Variants in SULT1A1 observed in about 807,000 individuals in gnomAD.
SULT1A1 encodes the protein sulfotransferase 1A1.
A neutral mutation model predicts 36.8 loss-of-function variants in SULT1A1; 35 were observed. That is an observed-to-expected ratio of 0.95 (90% CI 0.73 to 1.26). SULT1A1 has a LOEUF of 1.26. SULT1A1 is among the 50% of genes most tolerant of loss of function. SULT1A1 has a pLI of 0.00. For missense variants in SULT1A1, 309 were observed against 383.0 expected, an observed-to-expected ratio of 0.81 and a Z score of 1.61; for synonymous variants, 119 against 146.0, an observed-to-expected ratio of 0.82 and a Z score of 1.33.
chr16:28,622,429 G>A (rs1007043616), intron 1 of SULT1A1, among the ~76,000 whole-genome samples: 2 of 152,048 alleles, frequency 1.3e-5, no homozygotes, highest in African/African-American at 4.8e-5. Flanking sequence ...ATTTTCTAAG[G>A]AGAGGGTTCC....
At chr16:28,616,740 T>C (rs1043592521) in intron 2 of SULT1A1, among the ~76,000 whole-genome samples, 2 of 152,146 alleles carry the variant, frequency 1.3e-5, no homozygotes, top group Non-Finnish European at 2.9e-5. Flanking sequence ...TTATTTCTTA[T>C]GTGAACTTGG....
Position 28,623,153 on chromosome 16 carries a change from G to T in SULT1A1, c.45C>A (p.Ile15=), listed in dbSNP as rs554271247. The T allele has an allele frequency of 9.8e-6, 15 of 1,536,028 alleles. No individual in the cohort carries two copies. The South Asian group carries it at 1.3e-4, about 13-fold the overall frequency. The change falls in exon 1 of 6, where the codon ATC becomes ATA. Residue 15 remains isoleucine (I), a synonymous_variant. Transcript: ENST00000350842. Reference sequence around the variant, plus strand: ...CACCGGCGTAGAAGGCCGAGACCGCGATGGGCGCACCGACCACCTGGTCGC... The same window carrying T: ...CACCGGCGTAGAAGGCCGAGACCGCTATGGGCGCACCGACCACCTGGTCGC...
At chr16:28,616,840 A>G (rs1307650680) in intron 2 of SULT1A1, among the ~76,000 whole-genome samples, 1 of 152,144 alleles carries the variant, frequency 6.6e-6, no homozygotes, top group Non-Finnish European at 1.5e-5. Flanking sequence ...AACAGTCTCC[A>G]GGATCCAAAC....
At chr16:28,610,259 T>A, upstream of SULT1A1, 3 of 1,131,552 alleles carry the variant, frequency 2.7e-6, no homozygotes, top group South Asian at 4.3e-5. Context: ...AGGTTTTTTT[T>A]TTCTGTTTTT....
At chr16:28,622,677 G>T (rs1401407325) in intron 1 of SULT1A1, among the ~76,000 whole-genome samples, 1 of 151,988 alleles carries the variant, frequency 6.6e-6, no homozygotes, top group Non-Finnish European at 1.5e-5. Flanking sequence ...TTTCTGAACA[G>T]CAGGTCGGTT....
intron 1 of SULT1A1, among the ~76,000 whole-genome samples, chr16:28,622,902 G>C (rs2047683720): frequency 6.6e-6 from 1 of 152,144 alleles, no homozygotes; most frequent in South Asian, 2.1e-4. Flanking sequence ...CCAATTTCTC[G>C]GCTCCCCAGC....
intron 4 of SULT1A1, chr16:28,608,003 T>C (rs1440775036): frequency 8.4e-6 from 2 of 237,616 alleles, no homozygotes; most frequent in Non-Finnish European, 1.6e-5. Context: ...TATTTATTTA[T>C]TTTTGTGAGT....
Position 28,610,020 on chromosome 16 carries a change from G to A in SULT1A1, c.-94C>T. The A allele has an allele frequency of 6.2e-6, 8 of 1,287,122 alleles. No individual in the cohort carries two copies. Among genetic ancestry groups the A allele is most frequent in the Non-Finnish European group, 8.1e-6 (8 of 987,120 alleles). The allele number at this position is 1,287,122 out of a possible 1,614,324, so 79.7% of individuals were successfully genotyped here. A position where few individuals can be genotyped will look rare whatever the true frequency, so the allele number is the denominator to read the frequency against. ...TGGGGAATGCAGGGTTGTTCTCTGAGCTGAGGGTTTCCTAGGTCCACTGTG... is the reference window on the plus strand; with the variant it reads ...TGGGGAATGCAGGGTTGTTCTCTGAACTGAGGGTTTCCTAGGTCCACTGTG... On this transcript the variant is annotated 5_prime_UTR_variant, in exon 1 of 8. Transcript: ENST00000314752.
chr16:28,610,269 T>TTG (rs2047400337), upstream of SULT1A1: 1 of 961,832 alleles, frequency 1.0e-6, no homozygotes, highest in Non-Finnish European at 1.3e-6. Context: ...TTTCTGTTTT[T>TTG]TTTTTTTTTT....
chr16:28,610,203 A>G, upstream of SULT1A1: 2 of 1,284,076 alleles, frequency 1.6e-6, no homozygotes, highest in Non-Finnish European at 2.0e-6. Context: ...TGTGTAGAAA[A>G]CAGAAGAATG....
chr16:28,620,294 G>A (rs1024832898), intron 1 of SULT1A1, among the ~76,000 whole-genome samples: 2 of 152,064 alleles, frequency 1.3e-5, no homozygotes, highest in African/African-American at 2.4e-5. Flanking sequence ...GACAGGTGCC[G>A]TGGCTCAAGC....
intron 4 of SULT1A1, 140 bp downstream of exon 4, chr16:28,608,151 C>G: frequency 8.0e-7 from 1 of 1,257,186 alleles, no homozygotes; most frequent in East Asian, 2.4e-5. Flanking sequence ...CCACACCCGG[C>G]TAATTTTGTA....
chr16:28,607,697 T>C (rs2047270112), intron 4 of SULT1A1: 1 of 150,478 alleles, frequency 6.6e-6, no homozygotes, highest in Non-Finnish European at 1.5e-5. Context: ...CTTTCTTTTT[T>C]TCTGTCGCCC....
chr16:28,618,502 T>C (rs2047590338), intron 2 of SULT1A1, among the ~76,000 whole-genome samples: 1 of 151,886 alleles, frequency 6.6e-6, no homozygotes, highest in East Asian at 1.9e-4. Context: ...CGTACCACCA[T>C]GCCCTGCTAA....
rs368644405 is a variant in SULT1A1 at position 28,609,212 on chromosome 16, G to A, written c.-4-353C>T. 6.9e-6 allele frequency: 9 copies of A among 1,303,698 alleles called. No individual in the cohort carries two copies. The South Asian group carries it at 1.0e-4, about 15-fold the overall frequency. 80.8% of individuals were successfully genotyped at this position (1,303,698 alleles called of 1,614,324 possible). On this transcript the variant is annotated intron_variant, in intron 1 of 7. Coordinates refer to ENST00000314752, the MANE Select transcript of SULT1A1 (RefSeq NM_001055.4). The stretch of plus-strand genomic sequence containing the variant: ...ACTGAGGAAGCTCTAGGACCTTCCT[G>A]TGCTGTCTCCCTGCCAGCCAGCGCC...
At chr16:28,623,171 C>T (rs1567321039) in exon 1 of SULT1A1, 1 of 1,551,300 alleles carries the variant, frequency 6.4e-7, no homozygotes. Context: ...CACCGACCAC[C>T]TGGTCGCACA....
rs752498609 is a variant in SULT1A1 at position 28,608,732 on chromosome 16, G to C, written c.124C>G (p.Leu42Val). 8 of 1,613,042 alleles carry C rather than the reference G, an allele frequency of 5.0e-6. No homozygotes were observed. The highest frequency in any genetic ancestry group is 6.8e-6 in the Non-Finnish European group (8 of 1,179,364). Residue 42 changes from leucine (L) to valine (V), a missense_variant, in exon 2 of 8, where the codon CTC (leucine) becomes GTC (valine). Coordinates refer to ENST00000314752, the MANE Select transcript of SULT1A1 (RefSeq NM_001055.4). Reference sequence around the variant, plus strand: ...CCGGACTTGGGGTAGGTGCTGATGAGCAGGTCATCAGGCCGGGCCTGGAAG... The same window carrying C: ...CCGGACTTGGGGTAGGTGCTGATGACCAGGTCATCAGGCCGGGCCTGGAAG... ...QSFQARPDDL[L>V]ISTYPKSGTT... is the part of the protein sequence containing the mutation.
intron 6 of SULT1A1, 21 bp from the exon 7 acceptor site, chr16:28,606,257 C>A (rs746415003): frequency 1.7e-5 from 28 of 1,611,080 alleles, no homozygotes; most frequent in Middle Eastern, 1.6e-4. Context: ...GAGGGCCCCT[C>A]AGTGGAGGCT....
chr16:28,618,667 A>G (rs1366784863), intron 2 of SULT1A1, among the ~76,000 whole-genome samples: 1 of 151,846 alleles, frequency 6.6e-6, no homozygotes, highest in East Asian at 1.9e-4. Flanking sequence ...GGACTGGACT[A>G]TATATATTTG....
Sources: allele counts gnomAD v4.1 joint callset (sites outside exome capture counted in the v4.1 genomes callset), GRCh38; gene constraint gnomAD v4.1.1; transcripts MANE v1.5; gene names NCBI Gene and HGNC (gene_info 2026-07-23, HGNC 2026-07-21).